Variants in RASSF9 observed in about 807,000 individuals in gnomAD.
The protein encoded by RASSF9 is Ras association domain family member 9, also known as ras association domain-containing protein 9.
A neutral mutation model predicts 21.4 loss-of-function variants in RASSF9; 18 were observed. The ratio of observed to expected loss-of-function variants is 0.84; its 90% CI spans 0.58 to 1.25. RASSF9 has a LOEUF of 1.25. RASSF9 is among the 50% of genes most tolerant of loss of function. The pLI, the probability that RASSF9 is intolerant of heterozygous loss-of-function variation, is 0.00. For synonymous variants in RASSF9, 183 were observed against 179.1 expected (o/e 1.02, Z -0.18); for missense variants, 480 against 503.2 (o/e 0.95, Z 0.44).
intron 1 of RASSF9, among the ~76,000 whole-genome samples, chr12:85,832,377 C>A (rs1247327105): frequency 2.0e-5 from 3 of 151,778 alleles, no homozygotes; most frequent in African/African-American, 7.2e-5. Flanking sequence ...GAAATCATAC[C>A]TTACAACCAA....
Position 85,834,515 on chromosome 12 carries a change from T to G in RASSF9, c.47+1640A>C, listed in dbSNP as rs538894282. On this transcript the variant is annotated intron_variant, in intron 1 of 1. Transcript: ENST00000361228. ...AATGAAATTGAAGAATGCACTTCCC[T>G]GAGGGAAACTCAGGGGCGCATGCAA... Among the ~76,000 whole-genome samples, 11 of 152,228 alleles carry G rather than the reference T, an allele frequency of 7.2e-5. No homozygotes were observed. The East Asian group carries it at 2.1e-3, about 29-fold the overall frequency.
Position 85,804,653 on chromosome 12 carries a change from T to A in RASSF9, c.*49A>T, listed in dbSNP as rs1565750632. On this transcript the variant is annotated 3_prime_UTR_variant, in exon 2 of 2. Coordinates refer to ENST00000361228, the MANE Select transcript of RASSF9 (RefSeq NM_005447.4). ...ATTTAAAATGAGGTTTCCTATTAAATTAAACAAACATTAAAACATGAAAGC... is the reference window on the plus strand; with the variant it reads ...ATTTAAAATGAGGTTTCCTATTAAAATAAACAAACATTAAAACATGAAAGC... The A allele has an allele frequency of 6.8e-7, 1 of 1,463,494 alleles. No homozygotes were observed. Among genetic ancestry groups the A allele is most frequent in the African/African-American group, 1.4e-5 (1 of 70,816 alleles). The allele number at this position is 1,463,494 out of a possible 1,614,324, so 90.7% of individuals were successfully genotyped here.
At chr12:85,827,821 T>C (rs1880364803) in intron 1 of RASSF9, among the ~76,000 whole-genome samples, 2 of 152,232 alleles carry the variant, frequency 1.3e-5, no homozygotes, top group African/African-American at 4.8e-5. Context: ...TACATGAATC[T>C]AGTTTTTCCT....
chr12:85,812,046 T>C (rs1879965545), intron 1 of RASSF9, among the ~76,000 whole-genome samples: 1 of 151,790 alleles, frequency 6.6e-6, no homozygotes, highest in Non-Finnish European at 1.5e-5. Flanking sequence ...GAGAAAATGC[T>C]CTTTTAGTCA....
intron 1 of RASSF9, among the ~76,000 whole-genome samples, chr12:85,829,587 T>C (rs926539853): frequency 1.3e-5 from 2 of 152,188 alleles, no homozygotes; most frequent in Non-Finnish European, 2.9e-5. Context: ...CTTAGCCCTG[T>C]ATGATTCAGC....
chr12:85,814,529 T>G (rs1565753599), intron 1 of RASSF9, among the ~76,000 whole-genome samples: 1 of 152,008 alleles, frequency 6.6e-6, no homozygotes, highest in Non-Finnish European at 1.5e-5. Flanking sequence ...CCCCTTTTTC[T>G]TACCACTTCT....
chr12:85,813,184 TCAA>T (rs1879987748), intron 1 of RASSF9, among the ~76,000 whole-genome samples: 1 of 151,916 alleles, frequency 6.6e-6, no homozygotes, highest in Admixed American at 6.6e-5. Flanking sequence ...CATGAAACTT[TCAA>T]CAACATGTGT....
intron 1 of RASSF9, among the ~76,000 whole-genome samples, chr12:85,807,525 C>G (rs1210953227): frequency 6.6e-6 from 1 of 151,938 alleles, no homozygotes; most frequent in Non-Finnish European, 1.5e-5. Context: ...GAAGCCTATT[C>G]CATCAGTCTA....
At chr12:85,834,429 C>A (rs1019790833) in intron 1 of RASSF9, among the ~76,000 whole-genome samples, 6 of 152,024 alleles carry the variant, frequency 3.9e-5, no homozygotes, top group African/African-American at 1.2e-4. Flanking sequence ...TGCATACTCA[C>A]CTCCTCGAAA....
chr12:85,825,888 TA>T (rs1174913994), intron 1 of RASSF9, among the ~76,000 whole-genome samples: 1 of 152,032 alleles, frequency 6.6e-6, no homozygotes, highest in African/African-American at 2.4e-5. Flanking sequence ...AAAGGATCAT[TA>T]AAAGGGTGAC....
chr12:85,811,409 A>G (rs1413080086), intron 1 of RASSF9, among the ~76,000 whole-genome samples: 1 of 151,880 alleles, frequency 6.6e-6, no homozygotes, highest in Non-Finnish European at 1.5e-5. Flanking sequence ...TAGGAATACC[A>G]TAATTGTTTG....
rs558116811 is a variant in RASSF9 at position 85,826,655 on chromosome 12, G to A, written c.47+9500C>T. ...GTAGAGTCGGGGTTTCACTGTGTTAGCCAGGTCTTGATCTCCTGACCTCGT... is the reference window on the plus strand; with the variant it reads ...GTAGAGTCGGGGTTTCACTGTGTTAACCAGGTCTTGATCTCCTGACCTCGT... On this transcript the variant is annotated intron_variant, in intron 1 of 1. Transcript: ENST00000361228. Among the ~76,000 whole-genome samples the A allele has an allele frequency of 3.9e-5, 6 of 151,944 alleles. No individual in the cohort carries two copies. The South Asian group carries it at 1.0e-3, about 26-fold the overall frequency.
At chr12:85,807,662 T>C (rs960583618) in intron 1 of RASSF9, among the ~76,000 whole-genome samples, 2 of 152,014 alleles carry the variant, frequency 1.3e-5, no homozygotes, top group African/African-American at 4.8e-5. Context: ...CACACACATG[T>C]ATTTATGTAA....
intron 1 of RASSF9, among the ~76,000 whole-genome samples, chr12:85,827,508 G>C (rs1264108025): frequency 1.3e-5 from 2 of 152,012 alleles, no homozygotes; most frequent in Non-Finnish European, 2.9e-5. Flanking sequence ...AATTCCCCTG[G>C]TTAACACCCT....
chr12:85,824,888 T>G (rs1592532760), intron 1 of RASSF9, among the ~76,000 whole-genome samples: 1 of 152,356 alleles, frequency 6.6e-6, no homozygotes, highest in East Asian at 1.9e-4. Context: ...CTTTGATCCC[T>G]TCTCCATCTA....
intron 1 of RASSF9, among the ~76,000 whole-genome samples, chr12:85,819,150 A>C (rs1313390941): frequency 6.6e-6 from 1 of 152,092 alleles, no homozygotes; most frequent in East Asian, 1.9e-4. Flanking sequence ...AAGGAATCAA[A>C]TGCATGCATG....
intron 1 of RASSF9, among the ~76,000 whole-genome samples, chr12:85,826,910 C>T (rs1880346874): frequency 6.6e-6 from 1 of 152,104 alleles, no homozygotes; most frequent in Non-Finnish European, 1.5e-5. Flanking sequence ...TTCACAAACT[C>T]GCTGATACTA....
intron 1 of RASSF9, among the ~76,000 whole-genome samples, chr12:85,823,217 A>T (rs2136559911): frequency 6.6e-6 from 1 of 151,208 alleles, no homozygotes; most frequent in East Asian, 1.9e-4. Context: ...AAAAAAAAAA[A>T]ATGTCTACTG....
intron 1 of RASSF9, among the ~76,000 whole-genome samples, chr12:85,834,236 A>G (rs1880513094): frequency 6.6e-6 from 1 of 152,070 alleles, no homozygotes; most frequent in African/African-American, 2.4e-5. Flanking sequence ...CTTTCATTAG[A>G]GAAGCTTACC....
Sources: allele counts gnomAD v4.1 joint callset (sites outside exome capture counted in the v4.1 genomes callset), GRCh38; gene constraint gnomAD v4.1.1; transcripts MANE v1.5; gene names NCBI Gene and HGNC (gene_info 2026-07-23, HGNC 2026-07-21).